The following EFHB variants were observed in gnomAD, a reference collection of about 807,000 sequenced individuals.
EFHB encodes the protein EF-hand domain family member B.
In EFHB, 91 loss-of-function variants were observed where a neutral mutation model predicts 87.2. The observed-to-expected ratio is 1.04, with a 90% CI of 0.88 to 1.24. EFHB has a LOEUF of 1.24. EFHB is among the 50% of genes most tolerant of loss of function. The pLI is 0.00. For missense variants in EFHB, 1,084 were observed against 998.8 expected (o/e 1.09, Z -1.15); for synonymous variants, 325 against 333.6 (o/e 0.97, Z 0.28).
intron 10 of EFHB, among the ~76,000 whole-genome samples, 171 bp downstream of exon 10, chr3:19,888,273 T>C (rs1694177402): frequency 6.6e-6 from 1 of 151,910 alleles, no homozygotes; most frequent in African/African-American, 2.4e-5. Flanking sequence ...ACACCAATAA[T>C]CCCAGCACTT....
Position 19,885,157 on chromosome 3 carries a change from G to C in EFHB, c.1934-542C>G, listed in dbSNP as rs1694053130. On this transcript the variant is annotated intron_variant, in intron 10 of 12. Transcript: ENST00000295824. ...GAATCACTTGAATCAGGGAGGCAAT[G>C]GTTGCAGTGAGCCGAGATCGCGCCA... is the stretch of plus-strand genomic sequence containing the variant. Among the ~76,000 whole-genome samples the C allele has an allele frequency of 2.0e-5, 3 of 151,860 alleles. No homozygotes were observed. In the South Asian group the frequency reaches 6.2e-4, roughly 32 times the overall value.
intron 7 of EFHB, 67 bp downstream of exon 7, chr3:19,899,365 T>A: frequency 8.6e-7 from 1 of 1,164,826 alleles, no homozygotes; most frequent in Non-Finnish European, 1.2e-6. Context: ...CACCAACAGT[T>A]ACCACAAGAG....
In EFHB at chr3:19,918,429, A is replaced by G; in HGVS notation, c.997-17T>C. On this transcript the variant is annotated splice_polypyrimidine_tract_variant and intron_variant, in intron 3 of 12. Coordinates refer to ENST00000295824, the MANE Select transcript of EFHB (RefSeq NM_144715.4). ...TGTGTTTGCCTAAAGAAATCATACA[A>G]TGCACAAATATATCAACAAAAAAAG... The G allele has an allele frequency of 1.9e-6, 3 of 1,559,164 alleles. No homozygotes were observed. Among genetic ancestry groups the G allele is most frequent in the Non-Finnish European group, 2.6e-6 (3 of 1,156,932 alleles).
In EFHB at chr3:19,934,202, G is replaced by A. The variant is rs1460092148; in HGVS notation, c.-184C>T. 7.0e-7 allele frequency: 1 copy of A among 1,437,748 alleles called. No homozygotes were observed. The highest frequency in any genetic ancestry group is 1.4e-5 in the African/African-American group (1 of 69,788). 89.1% of individuals were successfully genotyped at this position (1,437,748 alleles called of 1,614,324 possible). On this transcript the variant is annotated 5_prime_UTR_variant, in exon 1 of 13. Coordinates refer to ENST00000295824, the MANE Select transcript of EFHB (RefSeq NM_144715.4). ...CTTAACACCTAGCCGAGTTCACAGAGGAAAAGATGGAGTCTGTTTATCAGG... is the reference window on the plus strand; with the variant it reads ...CTTAACACCTAGCCGAGTTCACAGAAGAAAAGATGGAGTCTGTTTATCAGG...
chr3:19,932,598 C>A (rs1284195093), intron 1 of EFHB, among the ~76,000 whole-genome samples: 1 of 152,218 alleles, frequency 6.6e-6, no homozygotes, highest in African/African-American at 2.4e-5. Flanking sequence ...CCCTATTAAG[C>A]TTTTCCCATC....
At position 19,934,086 on chromosome 3, in the gene EFHB, A is replaced by G. The variant is rs1695938233; in HGVS notation, c.-68T>C. The G allele has an allele frequency of 6.6e-7, 1 of 1,509,492 alleles. No individual in the cohort carries two copies. The highest frequency in any genetic ancestry group is 8.8e-7 in the Non-Finnish European group (1 of 1,131,842). 93.5% of individuals were successfully genotyped at this position (1,509,492 alleles called of 1,614,324 possible). A position where few individuals can be genotyped will look rare whatever the true frequency, so the allele number is the denominator to read the frequency against. ...TCTAAGGGGAAAGCTGTACCTGGCT[A>G]CAAAGACGCCTCCAATCCCTTGCGG... On this transcript the variant is annotated 5_prime_UTR_variant, in exon 1 of 13. Coordinates refer to ENST00000295824, the MANE Select transcript of EFHB (RefSeq NM_144715.4).
At chr3:19,898,654 A>G (rs533881696) in intron 8 of EFHB, 124 bp downstream of exon 8, 3 of 971,134 alleles carry the variant, frequency 3.1e-6, no homozygotes, top group African/African-American at 3.3e-5. Flanking sequence ...TGTTAATGCA[A>G]CATTTTAAGT....
chr3:19,941,301 A>G (rs558736484), intron 1 of EFHB: 27 of 224,496 alleles, frequency 1.2e-4, no homozygotes, highest in African/African-American at 6.0e-4. Flanking sequence ...AGGTATAGAC[A>G]TTGATTCATT....
At chr3:19,889,794 G>A (rs1162750727) in intron 9 of EFHB, among the ~76,000 whole-genome samples, 7 of 152,154 alleles carry the variant, frequency 4.6e-5, no homozygotes. Flanking sequence ...CACTTTGGGA[G>A]CCTGACCAAC....
intron 5 of EFHB, among the ~76,000 whole-genome samples, chr3:19,911,719 T>A (rs1314399443): frequency 1.3e-5 from 2 of 151,854 alleles, no homozygotes; most frequent in Non-Finnish European, 2.9e-5. Flanking sequence ...AGAGAGGCTA[T>A]TTGAAAATAC....
At chr3:19,924,376 G>A (rs1695544865) in intron 1 of EFHB, among the ~76,000 whole-genome samples, 3 of 151,990 alleles carry the variant, frequency 2.0e-5, no homozygotes, top group African/African-American at 7.3e-5. Context: ...ACCACGCCCG[G>A]CTAATTTTTG....
chr3:19,884,616 C>A lies in EFHB; in HGVS notation c.1934-1G>T, dbSNP rs751457213. On this transcript the variant is annotated splice_acceptor_variant, in intron 10 of 12. Coordinates refer to ENST00000295824, the MANE Select transcript of EFHB (RefSeq NM_144715.4). LOFTEE classifies it high-confidence loss of function. ...GGGTTTACACAATCTGGTTTTCTAC[C>A]TTTAAGGAAAATAAATGAAAGAAAA... 6.2e-7 allele frequency: 1 copy of A among 1,609,884 alleles called. No homozygotes were observed. The highest frequency in any genetic ancestry group is 8.5e-7 in the Non-Finnish European group (1 of 1,178,812).
chr3:19,880,877 A>C (rs988907794), intron 12 of EFHB, among the ~76,000 whole-genome samples: 5 of 152,276 alleles, frequency 3.3e-5, no homozygotes, highest in African/African-American at 9.6e-5. Flanking sequence ...AAATGAAACT[A>C]AATTTAAAAG....
intron 10 of EFHB, among the ~76,000 whole-genome samples, chr3:19,887,175 G>A (rs1015851100): frequency 1.3e-5 from 2 of 152,036 alleles, no homozygotes; most frequent in Non-Finnish European, 1.5e-5. Flanking sequence ...GAGGCCAGGA[G>A]TTCGAGACCA....
intron 1 of EFHB, among the ~76,000 whole-genome samples, chr3:19,923,109 A>T (rs956591850): frequency 1.4e-4 from 22 of 152,114 alleles, no homozygotes; most frequent in Non-Finnish European, 2.5e-4. Flanking sequence ...CTACAAAAAA[A>T]TATAAAAATT....
At chr3:19,904,289 A>G (rs754199916) in intron 6 of EFHB, among the ~76,000 whole-genome samples, 19 of 152,232 alleles carry the variant, frequency 1.2e-4, no homozygotes, top group Non-Finnish European at 2.8e-4. Context: ...TCACAGTCCT[A>G]GAAGCCAGAA....
intron 1 of EFHB, among the ~76,000 whole-genome samples, chr3:19,939,453 T>C (rs1293978142): frequency 2.3e-4 from 32 of 140,452 alleles, no homozygotes; most frequent in East Asian, 6.5e-4. Flanking sequence ...GGCGCGATCT[T>C]GGCTCACTGC....
chr3:19,939,812 T>C (rs747706066), intron 1 of EFHB, among the ~76,000 whole-genome samples: 1 of 152,230 alleles, frequency 6.6e-6, no homozygotes, highest in Admixed American at 6.5e-5. Flanking sequence ...GCAAGCCTTC[T>C]AATAGAATGC....
At chr3:19,892,553 C>T (rs534293929) in intron 9 of EFHB, among the ~76,000 whole-genome samples, 11 of 152,198 alleles carry the variant, frequency 7.2e-5, no homozygotes, top group Non-Finnish European at 1.2e-4. Flanking sequence ...AGGGTTGGTC[C>T]GCCCTTTTGG....
Sources: gnomAD v4.1 joint callset for allele counts (sites outside exome capture counted in the v4.1 genomes callset) on GRCh38, gnomAD v4.1.1 for gene constraint, MANE v1.5 for transcripts, NCBI Gene and HGNC (gene_info 2026-07-23, HGNC 2026-07-21) for gene names.